ADGRL3: variants seen among roughly 807,000 people sequenced by gnomAD.
ADGRL3 encodes the protein calcium-independent alpha-latrotoxin receptor 3.
Under a neutral mutation model 153.5 loss-of-function variants are expected in ADGRL3, and 62 were observed. The observed-to-expected ratio is 0.40, with a 90% confidence interval of 0.33 to 0.50. The LOEUF (loss-of-function observed/expected upper bound fraction) is 0.50, where lower values mean the gene tolerates loss of function less well. Ranked by LOEUF, ADGRL3 falls within the 20% of genes least tolerant of loss-of-function variation. The probability of loss-of-function intolerance (pLI) is 0.47; values close to 1 mark genes in which losing one functional copy is unlikely to be tolerated. For missense variants in ADGRL3, 1,641 were observed against 1,859.4 expected, an observed-to-expected ratio of 0.88 and a Z score of 2.16; for synonymous variants, 710 against 672.5, an observed-to-expected ratio of 1.06 and a Z score of -0.86.
At position 62,073,110 on chromosome 4, in the gene ADGRL3, G is replaced by A. The variant is rs559498839; in HGVS notation, c.*2202G>A. Reference sequence around the variant, plus strand: ...TTTCTCCTGTAGTGTGTTTTATCTCGGGGTTTCCTTTTTCAAAAATCTAAA... The same window carrying A: ...TTTCTCCTGTAGTGTGTTTTATCTCAGGGTTTCCTTTTTCAAAAATCTAAA... On this transcript the variant is annotated 3_prime_UTR_variant, in exon 27 of 27. Coordinates refer to ENST00000683033, the MANE Select transcript of ADGRL3 (RefSeq NM_001387552.1). 25 of 151,934 alleles carry A rather than the reference G, an allele frequency of 1.6e-4. No homozygotes were observed. The highest frequency in any genetic ancestry group is 5.8e-4 in the African/African-American group (24 of 41,458). The allele number at this position is 151,934 out of a possible 1,614,324, so 9.4% of individuals were successfully genotyped here.
At chr4:61,980,201 G>T (rs563969977) in intron 18 of ADGRL3, among the ~76,000 whole-genome samples, 2 of 151,602 alleles carry the variant, frequency 1.3e-5, no homozygotes, top group African/African-American at 4.8e-5. Context: ...TCACTCTAGG[G>T]ATTGTACATT....
At chr4:61,377,110 C>T (rs2096612550) in intron 1 of ADGRL3, among the ~76,000 whole-genome samples, 2 of 152,012 alleles carry the variant, frequency 1.3e-5, no homozygotes, top group South Asian at 4.2e-4. Flanking sequence ...TTCTTCCGTT[C>T]CCTTCTTTTG....
At chr4:61,784,447 G>A (rs1256377998) in intron 8 of ADGRL3, among the ~76,000 whole-genome samples, 2 of 151,748 alleles carry the variant, frequency 1.3e-5, no homozygotes, top group East Asian at 3.9e-4. Context: ...CTTTTTTCCA[G>A]TCACTTCACA....
intron 9 of ADGRL3, among the ~76,000 whole-genome samples, chr4:61,848,080 A>ATATATAATATAAAATATAT (rs1561353563): frequency 3.8e-4 from 8 of 21,232 alleles, no homozygotes; most frequent in Non-Finnish European, 1.8e-3. Flanking sequence ...AAAATATATT[A>ATATATAATATAAAATATAT]TATATATAAT....
At chr4:62,004,996 A>G (rs557862428) in intron 21 of ADGRL3, among the ~76,000 whole-genome samples, 3 of 152,226 alleles carry the variant, frequency 2.0e-5, no homozygotes, top group African/African-American at 7.2e-5. Flanking sequence ...AATACAATCC[A>G]AACAACATTG....
chr4:61,626,858 C>T (rs757168528), intron 5 of ADGRL3, among the ~76,000 whole-genome samples: 6 of 151,978 alleles, frequency 3.9e-5, no homozygotes, highest in South Asian at 2.1e-4. Context: ...ACTACTCAGA[C>T]GCTTCAGTGT....
chr4:61,804,854 G>C (rs1001221771), intron 8 of ADGRL3, among the ~76,000 whole-genome samples: 4 of 152,060 alleles, frequency 2.6e-5, no homozygotes, highest in African/African-American at 7.2e-5. Flanking sequence ...CCTTCCTTGC[G>C]GGGAGAGGGT....
intron 2 of ADGRL3, among the ~76,000 whole-genome samples, chr4:61,384,240 T>A (rs1009073096): frequency 1.3e-5 from 2 of 151,818 alleles, no homozygotes; most frequent in Non-Finnish European, 2.9e-5. Flanking sequence ...TTCCCCCTAT[T>A]TATTTCTACA....
chr4:61,536,847 A>G (rs1355707832), intron 4 of ADGRL3, among the ~76,000 whole-genome samples: 1 of 151,974 alleles, frequency 6.6e-6, no homozygotes, highest in African/African-American at 2.4e-5. Context: ...TGCCAGATAA[A>G]TCTTTTAAGT....
At chr4:61,692,653 A>G (rs1369472853) in intron 6 of ADGRL3, among the ~76,000 whole-genome samples, 2 of 152,090 alleles carry the variant, frequency 1.3e-5, no homozygotes, top group African/African-American at 2.4e-5. Flanking sequence ...CATGTTGGCT[A>G]GGCTGGTCTC....
intron 17 of ADGRL3, among the ~76,000 whole-genome samples, chr4:61,951,125 T>C (rs1056357433): frequency 6.6e-6 from 1 of 152,214 alleles, no homozygotes; most frequent in Non-Finnish European, 1.5e-5. Context: ...GAAATTTAGA[T>C]GGGCTTAACA....
chr4:61,483,749 A>T (rs867743592), intron 2 of ADGRL3, among the ~76,000 whole-genome samples: 166 of 143,408 alleles, frequency 1.2e-3, no homozygotes, highest in African/African-American at 4.8e-3. Context: ...AAAATAAATA[A>T]ATAAATTATA....
rs143799082 is a variant in ADGRL3, at chr4:61,410,609, C to T, written c.-174+27420C>T. Among the ~76,000 whole-genome samples, 6 of 152,272 alleles carry T rather than the reference C, an allele frequency of 3.9e-5. No homozygotes were observed. The East Asian group carries it at 1.2e-3, about 29-fold the overall frequency. ...AGGCATTGGCAGGGGAAATCAGTTT[C>T]CTCTCCAGTGGACCCACCACCCCAA... On this transcript the variant is annotated intron_variant, in intron 2 of 26. Transcript: ENST00000683033.
intron 5 of ADGRL3, among the ~76,000 whole-genome samples, chr4:61,644,319 T>C (rs2093848557): frequency 6.6e-6 from 1 of 151,268 alleles, no homozygotes; most frequent in Admixed American, 6.6e-5. Flanking sequence ...AGTTATTTCT[T>C]GCCTCCTGCT....
intron 1 of ADGRL3, among the ~76,000 whole-genome samples, chr4:61,343,141 C>A (rs974131897): frequency 6.6e-6 from 1 of 152,166 alleles, no homozygotes; most frequent in Non-Finnish European, 1.5e-5. Context: ...CCCCCTAAAA[C>A]ACATGGGAAT....
intron 2 of ADGRL3, among the ~76,000 whole-genome samples, chr4:61,400,901 A>C (rs2152111600): frequency 6.6e-6 from 1 of 151,210 alleles, no homozygotes; most frequent in Non-Finnish European, 1.5e-5. Context: ...CAGTACACTG[A>C]AAGGTCTGTT....
At chr4:61,760,246 G>C (rs535314286) in intron 8 of ADGRL3, among the ~76,000 whole-genome samples, 1 of 152,156 alleles carries the variant, frequency 6.6e-6, no homozygotes, top group Non-Finnish European at 1.5e-5. Context: ...GCTATTCCCT[G>C]CCCCCAGAGG....
chr4:61,760,971 A>G (rs1050691891), intron 8 of ADGRL3, among the ~76,000 whole-genome samples: 1 of 152,226 alleles, frequency 6.6e-6, no homozygotes, highest in South Asian at 2.1e-4. Context: ...CCAGTGAACC[A>G]GGAGTGCTAA....
intron 4 of ADGRL3, among the ~76,000 whole-genome samples, chr4:61,529,172 A>C (rs917944962): frequency 6.6e-6 from 1 of 152,172 alleles, no homozygotes; most frequent in African/African-American, 2.4e-5. Context: ...GATGTTCAGC[A>C]GAACTGTATT....
Sources: gnomAD v4.1 joint callset for allele counts (sites outside exome capture counted in the v4.1 genomes callset) on GRCh38, gnomAD v4.1.1 for gene constraint, MANE v1.5 for transcripts, NCBI Gene and HGNC (gene_info 2026-07-23, HGNC 2026-07-21) for gene names.